Variants in ARHGAP15 observed in about 807,000 individuals in gnomAD.
ARHGAP15 encodes Rho GTPase activating protein 15, also known as rho GTPase-activating protein 15.
A neutral mutation model predicts 63.7 loss-of-function variants in ARHGAP15; 51 were observed. The ratio of observed to expected loss-of-function variants is 0.80; its 90% CI spans 0.64 to 1.01. The LOEUF is 1.01. ARHGAP15 is among the 50% of genes least tolerant of loss of function. The pLI, the probability that ARHGAP15 is intolerant of heterozygous loss-of-function variation, is 0.00. For missense variants in ARHGAP15, 560 were observed against 564.6 expected (o/e 0.99, Z 0.08); for synonymous variants, 191 against 193.8 (o/e 0.99, Z 0.12).
intron 1 of ARHGAP15, among the ~76,000 whole-genome samples, chr2:143,152,038 G>C (rs1218959560): frequency 1.3e-5 from 2 of 151,740 alleles, no homozygotes; most frequent in Non-Finnish European, 2.9e-5. Flanking sequence ...AAAAAACATT[G>C]TGTGTTATGT....
At chr2:143,259,219 C>A (rs1217547662) in intron 6 of ARHGAP15, among the ~76,000 whole-genome samples, 2 of 152,022 alleles carry the variant, frequency 1.3e-5, no homozygotes, top group African/African-American at 4.8e-5. Context: ...TATGTGAAAC[C>A]CTTCTCTTTT....
chr2:143,530,443 T>C (rs1044570437), intron 10 of ARHGAP15, among the ~76,000 whole-genome samples: 7 of 152,184 alleles, frequency 4.6e-5, no homozygotes, highest in African/African-American at 1.7e-4. Context: ...TTAAATTGTT[T>C]CATAAAACTG....
chr2:143,288,918 G>T (rs1682248655), intron 6 of ARHGAP15, among the ~76,000 whole-genome samples: 1 of 151,676 alleles, frequency 6.6e-6, no homozygotes, highest in Non-Finnish European at 1.5e-5. Context: ...TTGAATCAGG[G>T]ACCTTCTAGA....
chr2:143,258,210 C>T (rs1055377076), intron 6 of ARHGAP15, among the ~76,000 whole-genome samples: 6 of 151,712 alleles, frequency 4.0e-5, no homozygotes, highest in African/African-American at 1.5e-4. Flanking sequence ...TTTTTAGAAA[C>T]ATAAGGTAAT....
intron 9 of ARHGAP15, among the ~76,000 whole-genome samples, chr2:143,497,681 A>G (rs1692878104): frequency 6.6e-6 from 1 of 152,098 alleles, no homozygotes; most frequent in Non-Finnish European, 1.5e-5. Flanking sequence ...TGCTCACACT[A>G]AGTACTAGAT....
chr2:143,504,470 A>G (rs1693211627), intron 9 of ARHGAP15, among the ~76,000 whole-genome samples: 1 of 152,212 alleles, frequency 6.6e-6, no homozygotes. Context: ...AGAAGGCTAT[A>G]TTATGAAATT....
intron 6 of ARHGAP15, among the ~76,000 whole-genome samples, chr2:143,366,014 G>C (rs1558923071): frequency 6.6e-6 from 1 of 151,880 alleles, no homozygotes; most frequent in Non-Finnish European, 1.5e-5. Context: ...AATATTTTTT[G>C]AATGACCAAT....
intron 12 of ARHGAP15, among the ~76,000 whole-genome samples, chr2:143,680,021 TAAAAAAAAAAAA>T (rs55927433): frequency 3.9e-4 from 40 of 101,590 alleles, no homozygotes; most frequent in South Asian, 1.3e-3. Context: ...AGTAAATGAT[TAAAAAAAAAAAA>T]AAAAAAAAAA....
chr2:143,767,545 C>G (rs1054139425), intron 13 of ARHGAP15, among the ~76,000 whole-genome samples: 3 of 152,164 alleles, frequency 2.0e-5, no homozygotes, highest in Non-Finnish European at 4.4e-5. Flanking sequence ...CTTTACTCAA[C>G]ACTAATCAGG....
chr2:143,717,144 CCTT>C (rs1684843949), intron 13 of ARHGAP15, among the ~76,000 whole-genome samples: 1 of 152,216 alleles, frequency 6.6e-6, no homozygotes, highest in Non-Finnish European at 1.5e-5. Context: ...CCTTTTATCA[CCTT>C]CTTTCTCCTC....
At chr2:143,523,513 A>G (rs1210708982) in intron 10 of ARHGAP15, among the ~76,000 whole-genome samples, 3 of 152,144 alleles carry the variant, frequency 2.0e-5, no homozygotes, top group Non-Finnish European at 2.9e-5. Context: ...CTAAAAGGAC[A>G]TGCCTTAAGT....
At chr2:143,709,930 T>G (rs750300687) in intron 13 of ARHGAP15, among the ~76,000 whole-genome samples, 7 of 152,212 alleles carry the variant, frequency 4.6e-5, no homozygotes, top group Non-Finnish European at 1.0e-4. Flanking sequence ...TCAGGGGCCA[T>G]GCTGGTGACG....
At chr2:143,680,596 C>A (rs1234924083) in intron 12 of ARHGAP15, among the ~76,000 whole-genome samples, 1 of 152,180 alleles carries the variant, frequency 6.6e-6, no homozygotes, top group Non-Finnish European at 1.5e-5. Context: ...TCTCTTGGGC[C>A]TCCATGGCCC....
chr2:143,675,521 T>C (rs1682781650), intron 12 of ARHGAP15, among the ~76,000 whole-genome samples: 1 of 152,164 alleles, frequency 6.6e-6, no homozygotes, highest in South Asian at 2.1e-4. Flanking sequence ...TAATCAGACT[T>C]GAAAGTGAAA....
intron 9 of ARHGAP15, among the ~76,000 whole-genome samples, chr2:143,502,180 G>A (rs761984163): frequency 2.6e-5 from 4 of 152,018 alleles, no homozygotes; most frequent in Non-Finnish European, 4.4e-5. Flanking sequence ...AGGCTGAGGC[G>A]AGTGGATCAT....
intron 8 of ARHGAP15, among the ~76,000 whole-genome samples, chr2:143,460,984 T>C (rs1244534259): frequency 1.3e-5 from 2 of 152,104 alleles, no homozygotes; most frequent in Admixed American, 6.6e-5. Flanking sequence ...AGGCTTCAAA[T>C]TGCTTAGAGC....
intron 2 of ARHGAP15, among the ~76,000 whole-genome samples, chr2:143,175,567 T>C (rs1408623899): frequency 3.3e-5 from 5 of 152,244 alleles, no homozygotes; most frequent in Middle Eastern, 3.4e-3. Context: ...AATATTTCTA[T>C]GGGTGTGGAG....
intron 6 of ARHGAP15, among the ~76,000 whole-genome samples, chr2:143,408,248 C>A (rs1400161154): frequency 6.7e-6 from 1 of 149,376 alleles, no homozygotes; most frequent in African/African-American, 2.4e-5. Flanking sequence ...TCCTCCTTTT[C>A]TTCTCTCTTT....
chr2:143,275,003 A>AC (rs1197339201), intron 6 of ARHGAP15, among the ~76,000 whole-genome samples: 1 of 129,424 alleles, frequency 7.7e-6, no homozygotes, highest in Non-Finnish European at 1.8e-5. Context: ...TCTACTAAAA[A>AC]TTAAAAAAAA....
Sources: allele counts gnomAD v4.1 joint callset (sites outside exome capture counted in the v4.1 genomes callset), GRCh38; gene constraint gnomAD v4.1.1; transcripts MANE v1.5; gene names NCBI Gene and HGNC (gene_info 2026-07-23, HGNC 2026-07-21).